GPATCH1: variants seen among roughly 807,000 people sequenced by gnomAD.
GPATCH1 encodes the protein G patch domain-containing protein 1.
Under a neutral mutation model 114.9 loss-of-function variants are expected in GPATCH1, and 73 were observed. The ratio of observed to expected loss-of-function variants is 0.64; its 90% CI spans 0.53 to 0.77. The LOEUF is 0.77. Among genes scored for constraint, GPATCH1 ranks in the 30% least tolerant of loss-of-function variants. The probability of loss-of-function intolerance (pLI) is 0.00; values close to 1 mark genes in which losing one functional copy is unlikely to be tolerated. For missense variants in GPATCH1, 1,058 were observed against 1,144.3 expected, an observed-to-expected ratio of 0.92 and a Z score of 1.09; for synonymous variants, 391 against 428.4, an observed-to-expected ratio of 0.91 and a Z score of 1.08.
At chr19:33,090,959 A>G in intron 3 of GPATCH1, 94 bp downstream of exon 3, 1 of 735,354 alleles carries the variant, frequency 1.4e-6, no homozygotes, top group Non-Finnish European at 2.4e-6. Context: ...GGTCCAATGT[A>G]CGATTTCCTC....
rs376955579 is a variant in GPATCH1, at chr19:33,082,965, G to A, written c.73+1699G>A. 8.6e-5 allele frequency among the ~76,000 whole-genome samples: 13 copies of A among 151,892 alleles called. 1 individual carries two copies. In the East Asian group the frequency reaches 2.0e-3, roughly 23 times the overall value. ...TTTAAAAATAGAGATGAGGCCGGGC[G>A]TGGTGGCTCACGCCTGTAATCCCAG... On this transcript the variant is annotated intron_variant, in intron 1 of 19. Transcript: ENST00000170564.
intron 9 of GPATCH1, among the ~76,000 whole-genome samples, chr19:33,103,259 G>A (rs1972747115): frequency 6.6e-6 from 1 of 152,208 alleles, no homozygotes; most frequent in Admixed American, 6.5e-5. Flanking sequence ...CCAGGGGACA[G>A]TTTTGATTTG....
chr19:33,096,885 T>A (rs1214297767), intron 7 of GPATCH1, among the ~76,000 whole-genome samples: 1 of 151,950 alleles, frequency 6.6e-6, no homozygotes, highest in East Asian at 1.9e-4. Context: ...TGCCTCGGCC[T>A]CCCAAAGTGC....
In GPATCH1 at chr19:33,096,356, T is replaced by C. The variant is rs781336305; in HGVS notation, c.762T>C (p.His254=). The change falls in exon 7 of 20, where the codon CAT becomes CAC. Residue 254 remains histidine (H), a synonymous_variant. Coordinates refer to ENST00000170564, the MANE Select transcript of GPATCH1 (RefSeq NM_018025.3). Reference sequence around the variant, plus strand: ...CACTGTTTGGAACTTCGGGAGAACATTTTAATCTTTTCAGTGGTGGTTCTG... The same window carrying C: ...CACTGTTTGGAACTTCGGGAGAACACTTTAATCTTTTCAGTGGTGGTTCTG... ...HQALFGTSGE[H]FNLFSGGSER... 6.2e-7 allele frequency: 1 copy of C among 1,614,066 alleles called. No homozygotes were observed. The highest frequency in any genetic ancestry group is 1.1e-5 in the South Asian group (1 of 91,078).
At chr19:33,113,959 T>C (rs1178685945) in intron 14 of GPATCH1, 56 bp downstream of exon 14, 12 of 1,521,790 alleles carry the variant, frequency 7.9e-6, no homozygotes, top group Non-Finnish European at 1.1e-5. Flanking sequence ...CCCTAGCCTG[T>C]AGGAAGACAG....
chr19:33,088,112 C>CTTTTTTT (rs35343047), intron 1 of GPATCH1, 22 bp from the exon 2 acceptor site: 5 of 1,104,284 alleles, frequency 4.5e-6, no homozygotes, highest in Non-Finnish European at 6.0e-6. Context: ...ATTTAAAAAA[C>CTTTTTTT]TTTTTTTTTT....
rs527824969 is a variant in GPATCH1 at position 33,127,890 on chromosome 19, A to AT, written c.2765+1164dup. Among the ~76,000 whole-genome samples the AT allele has an allele frequency of 4.3e-4, 65 of 150,068 alleles. No homozygotes were observed. The South Asian group carries it at 4.9e-3, about 11-fold the overall frequency. On this transcript the variant is annotated intron_variant, in intron 19 of 19. Coordinates refer to ENST00000170564, the MANE Select transcript of GPATCH1 (RefSeq NM_018025.3). ...CACCCAGCTAATTTTTGTATTTTGTATTTTTTTAGTAGAGACAGTGTTTCG... is the reference window on the plus strand; with the variant it reads ...CACCCAGCTAATTTTTGTATTTTGTATTTTTTTTAGTAGAGACAGTGTTTCG...
At position 33,096,218 on chromosome 19, in the gene GPATCH1, T is replaced by G; in HGVS notation, c.624T>G (p.Asp208Glu). The G allele has an allele frequency of 6.2e-7, 1 of 1,613,640 alleles. No homozygotes were observed. Among genetic ancestry groups the G allele is most frequent in the Non-Finnish European group, 8.5e-7 (1 of 1,179,810 alleles). ...TTAAACGGAAATAGGGTGAAGATGATGACTACTTGCCTGATAATGTGACCT... is the reference window on the plus strand; with the variant it reads ...TTAAACGGAAATAGGGTGAAGATGAGGACTACTTGCCTGATAATGTGACCT... ...GSSEGSEGED[D>E]DYLPDNVTFA... Residue 208 changes from aspartate (D) to glutamate (E), a missense_variant, in exon 7 of 20, where the codon GAT (aspartate) becomes GAG (glutamate). This residue lies in a region of GPATCH1 where 893 missense variants were observed against 977.4 expected (regional missense o/e 0.91). Transcript: ENST00000170564.
At position 33,119,094 on chromosome 19, in the gene GPATCH1, G is replaced by A. The variant is rs368930675; in HGVS notation, c.2498G>A (p.Arg833Gln). 8.1e-6 allele frequency: 13 copies of A among 1,610,548 alleles called. No individual in the cohort carries two copies. Among genetic ancestry groups the A allele is most frequent in the Admixed American group, 3.4e-5 (2 of 59,700 alleles). The change falls in exon 17 of 20, where the codon CGG (arginine) becomes CAG (glutamine). Residue 833 changes from arginine (R) to glutamine (Q), a missense_variant. This residue lies in a region of GPATCH1 where 893 missense variants were observed against 977.4 expected (regional missense o/e 0.91). Coordinates refer to ENST00000170564, the MANE Select transcript of GPATCH1 (RefSeq NM_018025.3). ...QIDEREEFGP[R>Q]LPPVFCPNAR... ...GATGAAAGAGAAGAGTTCGGCCCGC[G>A]GCTGCCTCCCGTCTTCTGCCCCAGT...
chr19:33,118,023 A>G lies in GPATCH1; in HGVS notation c.2395A>G (p.Thr799Ala). The G allele has an allele frequency of 6.2e-7, 1 of 1,613,330 alleles. No individual in the cohort carries two copies. Among genetic ancestry groups the G allele is most frequent in the Non-Finnish European group, 8.5e-7 (1 of 1,179,398 alleles). The change falls in exon 16 of 20, where the codon ACA (threonine) becomes GCA (alanine). Residue 799 changes from threonine to alanine, a missense_variant. Physicochemically the swap from Thr to Ala is moderately conservative, Grantham distance 58. This residue lies in a region of GPATCH1 where 893 missense variants were observed against 977.4 expected (regional missense o/e 0.91). Transcript: ENST00000170564. Reference protein sequence around the residue: ...QSSQDTDLGETSSVAHALVPA... With the variant: ...QSSQDTDLGEASSVAHALVPA... The stretch of plus-strand genomic sequence containing the variant: ...CTCCCAAGACACTGACTTGGGGGAA[A>G]CATCATCTGTGGCTCACGGTATGTC...
rs146142634 is a variant in GPATCH1 at position 33,113,829 on chromosome 19, C to A, written c.1955C>A (p.Thr652Lys). Residue 652 changes from threonine to lysine, a missense_variant, in exon 14 of 20, where the codon ACG becomes AAG. Coordinates refer to ENST00000170564, the MANE Select transcript of GPATCH1 (RefSeq NM_018025.3). ...RDKYSVFNFL[T>K]LPETASLPTT... ...AAGTACTCAGTCTTCAACTTTCTGA[C>A]GCTCCCAGAGACAGCTTCCTTGCCC... The A allele has an allele frequency of 2.7e-5, 44 of 1,613,462 alleles. No homozygotes were observed. Among genetic ancestry groups the A allele is most frequent in the Admixed American group, 1.8e-4 (11 of 59,976 alleles).
chr19:33,102,499 C>A (rs1972738692), intron 9 of GPATCH1, among the ~76,000 whole-genome samples: 1 of 148,980 alleles, frequency 6.7e-6, no homozygotes, highest in Non-Finnish European at 1.5e-5. Flanking sequence ...CAAATTCAAG[C>A]GATTCTCCTG....
At chr19:33,121,296 GTCTTTT>G (rs1208291734) in intron 17 of GPATCH1, among the ~76,000 whole-genome samples, 1 of 136,900 alleles carries the variant, frequency 7.3e-6, no homozygotes. Flanking sequence ...TCCTTTTTTT[GTCTTTT>G]TCTTTTTCTT....
At position 33,110,008 on chromosome 19, in the gene GPATCH1, G is replaced by A. The variant is rs944917785; in HGVS notation, c.1577G>A (p.Gly526Asp). The change falls in exon 11 of 20, where the codon GGT (glycine) becomes GAT (aspartate). Residue 526 changes from glycine to aspartate, a missense_variant. Gly to Asp is a moderately conservative substitution (Grantham distance 94). Transcript: ENST00000170564. ...GAGTTCTTAGTACACATGAAACAGG[G>A]TCAGAAAGGTGGGTGCTGGGCCTGG... ...YDEFLVHMKQ[G>D]QKDALERCLD... The A allele has an allele frequency of 6.2e-7, 1 of 1,604,196 alleles. No individual in the cohort carries two copies. Among genetic ancestry groups the A allele is most frequent in the Non-Finnish European group, 8.5e-7 (1 of 1,173,832 alleles).
chr19:33,097,252 C>A (rs1972671995), intron 7 of GPATCH1, among the ~76,000 whole-genome samples: 1 of 152,154 alleles, frequency 6.6e-6, no homozygotes, highest in Non-Finnish European at 1.5e-5. Context: ...CCCACCTTTT[C>A]TTTTTATAAA....
At chr19:33,091,247 T>C (rs916733208) in intron 3 of GPATCH1, among the ~76,000 whole-genome samples, 1 of 151,662 alleles carries the variant, frequency 6.6e-6, no homozygotes, top group Non-Finnish European at 1.5e-5. Flanking sequence ...CCGTCTCTAC[T>C]AAACAAAATA....
rs1220316729 is a variant in GPATCH1 at position 33,099,064 on chromosome 19, T to C, written c.1000+1162T>C. Reference sequence around the variant, plus strand: ...TATATTAATATATCATAATATACTATTTAATTTTAATACTATATTATAATC... The same window carrying C: ...TATATTAATATATCATAATATACTACTTAATTTTAATACTATATTATAATC... On this transcript the variant is annotated intron_variant, in intron 8 of 19. Coordinates refer to ENST00000170564, the MANE Select transcript of GPATCH1 (RefSeq NM_018025.3). Among the ~76,000 whole-genome samples the C allele has an allele frequency of 2.0e-5, 3 of 148,586 alleles. No individual in the cohort carries two copies. In the Admixed American group the frequency reaches 2.0e-4, roughly 10 times the overall value.
At chr19:33,083,482 C>T (rs1393564166) in intron 1 of GPATCH1, among the ~76,000 whole-genome samples, 2 of 151,198 alleles carry the variant, frequency 1.3e-5, no homozygotes, top group Non-Finnish European at 2.9e-5. Flanking sequence ...GCAACCTCCG[C>T]CTTCCAGGTT....
chr19:33,120,122 A>G (rs1972963126), intron 17 of GPATCH1, among the ~76,000 whole-genome samples: 1 of 140,204 alleles, frequency 7.1e-6, no homozygotes, highest in Admixed American at 7.4e-5. Flanking sequence ...TAATTTAAAT[A>G]TATTTCTAAA....
Sources: allele counts gnomAD v4.1 joint callset (sites outside exome capture counted in the v4.1 genomes callset), GRCh38; gene constraint gnomAD v4.1.1; regional missense constraint gnomAD v4.1.1; transcripts MANE v1.5; gene names NCBI Gene and HGNC (gene_info 2026-07-23, HGNC 2026-07-21).